The following ANKRD13B variants were observed in gnomAD, a reference collection of about 807,000 sequenced individuals.
ANKRD13B encodes the protein ankyrin repeat domain-containing protein 13B.
In ANKRD13B, 33 loss-of-function variants were observed where a neutral mutation model predicts 74.4. The observed-to-expected ratio is 0.44, with a 90% CI of 0.34 to 0.59. ANKRD13B has a LOEUF of 0.59. Ranked by LOEUF, ANKRD13B falls within the 20% of genes least tolerant of loss-of-function variation. The pLI, the probability that ANKRD13B is intolerant of heterozygous loss-of-function variation, is 0.02. For synonymous variants in ANKRD13B, 341 were observed against 362.9 expected (o/e 0.94, Z 0.68); for missense variants, 676 against 877.9 (o/e 0.77, Z 2.91).
intron 1 of ANKRD13B, among the ~76,000 whole-genome samples, chr17:29,595,834 A>G (rs1002190139): frequency 6.6e-5 from 10 of 152,160 alleles, no homozygotes; most frequent in Non-Finnish European, 2.9e-5. Context: ...AAAAAGAGGA[A>G]TGCCACTCCG....
Position 29,611,517 on chromosome 17 carries a change from T to C in ANKRD13B, c.905-62T>C. The stretch of plus-strand genomic sequence containing the variant: ...CCTAGGTCTTGGGTGCTGTCACCTC[T>C]GATGAGGTGCCCAGGTGTGTGTGGA... On this transcript the variant is annotated intron_variant, in intron 8 of 14. Coordinates refer to ENST00000394859, the MANE Select transcript of ANKRD13B (RefSeq NM_152345.5). The surrounding 1 kb of genome is among the most constrained non-coding windows in gnomAD (Gnocchi z 4.3). The C allele has an allele frequency of 6.4e-7, 1 of 1,557,492 alleles. No homozygotes were observed. Among genetic ancestry groups the C allele is most frequent in the African/African-American group, 1.4e-5 (1 of 73,940 alleles).
chr17:29,600,721 C>A (rs2034140507), intron 1 of ANKRD13B, among the ~76,000 whole-genome samples: 1 of 151,816 alleles, frequency 6.6e-6, no homozygotes, highest in South Asian at 2.1e-4. Context: ...CCTACCTACA[C>A]CTTTCAGGGG....
At chr17:29,606,179 G>A (rs2034366720) in intron 1 of ANKRD13B, among the ~76,000 whole-genome samples, 1 of 151,830 alleles carries the variant, frequency 6.6e-6, no homozygotes, top group South Asian at 2.1e-4. Flanking sequence ...CCAAAGTGCT[G>A]GGATTACAGG....
intron 1 of ANKRD13B, among the ~76,000 whole-genome samples, chr17:29,599,883 TTTTTTTTTTTTG>T (rs2034099494): frequency 7.5e-6 from 1 of 133,738 alleles, no homozygotes; most frequent in African/African-American, 2.9e-5. Flanking sequence ...TTTTTTTTTT[TTTTTTTTTTTTG>T]ATACGGAGTC....
intron 2 of ANKRD13B, 28 bp downstream of exon 2, chr17:29,607,905 A>G (rs757320704): frequency 1.1e-5 from 18 of 1,580,744 alleles, no homozygotes; most frequent in Non-Finnish European, 1.4e-5. Context: ...CCCCAGCCCC[A>G]CAGCCGGGGC....
Position 29,608,802 on chromosome 17 carries a change from C to A in ANKRD13B, c.422-49C>A, listed in dbSNP as rs1386809779. 1 of 1,610,012 alleles carries A rather than the reference C, an allele frequency of 6.2e-7. No homozygotes were observed. Among genetic ancestry groups the A allele is most frequent in the Admixed American group, 1.7e-5 (1 of 59,806 alleles). ...CCCCATGCCCTGAGCTGGTCCAGGC[C>A]GTGTAGGCCAGACCAGTCAAAGCCA... On this transcript the variant is annotated intron_variant, in intron 4 of 14. Transcript: ENST00000394859. The surrounding 1 kb of genome is among the most constrained non-coding windows in gnomAD (Gnocchi z 6.4).
At chr17:29,599,671 G>A (rs1039109002) in intron 1 of ANKRD13B, among the ~76,000 whole-genome samples, 1 of 152,038 alleles carries the variant, frequency 6.6e-6, no homozygotes, top group Non-Finnish European at 1.5e-5. Context: ...AGTTAAGAAA[G>A]TCACTTCCAG....
intron 1 of ANKRD13B, among the ~76,000 whole-genome samples, chr17:29,594,598 C>T (rs949449239): frequency 6.6e-6 from 1 of 152,190 alleles, no homozygotes; most frequent in Non-Finnish European, 1.5e-5. Flanking sequence ...GCCACTTCTG[C>T]CCTTGGCACC....
Position 29,613,791 on chromosome 17 carries a change from A to C in ANKRD13B, c.*209A>C. The C allele has an allele frequency of 4.2e-6, 3 of 721,024 alleles. No individual in the cohort carries two copies. Among genetic ancestry groups the C allele is most frequent in the Non-Finnish European group, 6.2e-6 (3 of 480,114 alleles). The allele number at this position is 721,024 out of a possible 1,614,324, so 44.7% of individuals were successfully genotyped here. On this transcript the variant is annotated 3_prime_UTR_variant, in exon 15 of 15. Coordinates refer to ENST00000394859, the MANE Select transcript of ANKRD13B (RefSeq NM_152345.5). Reference sequence around the variant, plus strand: ...GGCCAGGGCCCTGGAGGCAACTGGCACGGCCTGGTCCCCCTGCTTTGCTGT... The same window carrying C: ...GGCCAGGGCCCTGGAGGCAACTGGCCCGGCCTGGTCCCCCTGCTTTGCTGT...
intron 1 of ANKRD13B, among the ~76,000 whole-genome samples, chr17:29,600,067 G>A (rs1378426036): frequency 9.9e-5 from 15 of 151,800 alleles, no homozygotes; most frequent in South Asian, 4.2e-4. Flanking sequence ...TAGTAGAGAC[G>A]GGGTTTCACC....
chr17:29,595,721 T>G (rs2033928674), intron 1 of ANKRD13B, among the ~76,000 whole-genome samples: 1 of 152,120 alleles, frequency 6.6e-6, no homozygotes, highest in Non-Finnish European at 1.5e-5. Context: ...GGACACTGCC[T>G]GTCCTGGATC....
At chr17:29,600,586 G>A (rs2034135065) in intron 1 of ANKRD13B, among the ~76,000 whole-genome samples, 1 of 152,184 alleles carries the variant, frequency 6.6e-6, no homozygotes, top group African/African-American at 2.4e-5. Context: ...CTGTGGTGAG[G>A]AAGGGGGGCA....
intron 1 of ANKRD13B, among the ~76,000 whole-genome samples, chr17:29,594,432 C>T (rs1355178742): frequency 6.6e-6 from 1 of 152,188 alleles, no homozygotes; most frequent in African/African-American, 2.4e-5. Context: ...CAGGTGGGCT[C>T]CCTGGTTTCT....
rs1350256275 is a variant in ANKRD13B at position 29,608,418 on chromosome 17, A to G, written c.421+178A>G. On this transcript the variant is annotated intron_variant, in intron 4 of 14. Coordinates refer to ENST00000394859, the MANE Select transcript of ANKRD13B (RefSeq NM_152345.5). The surrounding 1 kb of genome is among the most constrained non-coding windows in gnomAD (Gnocchi z 6.4). ...TTGCCCCAGATACTGTCTTGACTCC[A>G]TTATTATTCTCTTCACTCTGTCATG... Among the ~76,000 whole-genome samples the G allele has an allele frequency of 6.6e-6, 1 of 152,112 alleles. No individual in the cohort carries two copies. Among genetic ancestry groups the G allele is most frequent in the Non-Finnish European group, 1.5e-5 (1 of 68,020 alleles).
At chr17:29,594,669 A>G (rs923975451) in intron 1 of ANKRD13B, among the ~76,000 whole-genome samples, 4 of 152,204 alleles carry the variant, frequency 2.6e-5, no homozygotes, top group Admixed American at 1.3e-4. Flanking sequence ...GGGCTGCAAG[A>G]GCCAGAGCTG....
In ANKRD13B at chr17:29,608,223, G is replaced by A; in HGVS notation, c.404G>A (p.Trp135Ter). The A allele has an allele frequency of 1.2e-6, 2 of 1,614,162 alleles. No individual in the cohort carries two copies. Among genetic ancestry groups the A allele is most frequent in the Non-Finnish European group, 1.7e-6 (2 of 1,180,032 alleles). ...CAGGACTTCTACGTGGAGATGAAATGGGAGTTCACTAGCTGGGGTAAGCGG... is the reference window on the plus strand; with the variant it reads ...CAGGACTTCTACGTGGAGATGAAATAGGAGTTCACTAGCTGGGGTAAGCGG... ...KAQDFYVEMK[W>*]EFTSWVPLVS... The change falls in exon 4 of 15, where the codon TGG (tryptophan) becomes TAG (stop). Residue 135 changes from tryptophan (W) to a stop codon, truncating the protein, a stop_gained. Coordinates refer to ENST00000394859, the MANE Select transcript of ANKRD13B (RefSeq NM_152345.5). LOFTEE classifies it high-confidence loss of function. This position sits in a 1 kb window ranked among gnomAD's most constrained non-coding sequence, Gnocchi z 6.4.
Position 29,608,804 on chromosome 17 carries a change from T to G in ANKRD13B, c.422-47T>G. The G allele has an allele frequency of 1.9e-6, 3 of 1,612,078 alleles. No homozygotes were observed. Among genetic ancestry groups the G allele is most frequent in the Non-Finnish European group, 2.5e-6 (3 of 1,178,926 alleles). On this transcript the variant is annotated intron_variant, in intron 4 of 14. Transcript: ENST00000394859. The surrounding 1 kb of genome is among the most constrained non-coding windows in gnomAD (Gnocchi z 6.4). ...CCATGCCCTGAGCTGGTCCAGGCCG[T>G]GTAGGCCAGACCAGTCAAAGCCACC...
intron 1 of ANKRD13B, among the ~76,000 whole-genome samples, chr17:29,597,993 C>CGGCTG (rs1555578680): frequency 6.6e-6 from 1 of 151,844 alleles, no homozygotes; most frequent in Admixed American, 6.6e-5. Context: ...GCAGCGGCTG[C>CGGCTG]GGCTGCAGCA....
rs1400123145 is a variant in ANKRD13B at position 29,608,408 on chromosome 17, T to C, written c.421+168T>C. Among the ~76,000 whole-genome samples, 1 of 152,194 alleles carries C rather than the reference T, an allele frequency of 6.6e-6. No homozygotes were observed. Among genetic ancestry groups the C allele is most frequent in the Middle Eastern group, 3.2e-3 (1 of 316 alleles). On this transcript the variant is annotated intron_variant, in intron 4 of 14. Coordinates refer to ENST00000394859, the MANE Select transcript of ANKRD13B (RefSeq NM_152345.5). The surrounding 1 kb of genome is among the most constrained non-coding windows in gnomAD (Gnocchi z 6.4). ...CCTTTCCAGATTGCCCCAGATACTG[T>C]CTTGACTCCATTATTATTCTCTTCA...
Sources: gnomAD v4.1 joint callset for allele counts (sites outside exome capture counted in the v4.1 genomes callset) on GRCh38, gnomAD v4.1.1 for gene constraint, Gnocchi (gnomAD v3.1) non-coding constraint, MANE v1.5 for transcripts, NCBI Gene and HGNC (gene_info 2026-07-23, HGNC 2026-07-21) for gene names.